Variants in TRPC4 observed in about 807,000 individuals in gnomAD.
TRPC4 encodes short transient receptor potential channel 4.
A neutral mutation model predicts 99.4 loss-of-function variants in TRPC4; 49 were observed. The observed-to-expected ratio is 0.49, with a 90% CI of 0.39 to 0.63. The LOEUF (loss-of-function observed/expected upper bound fraction) is 0.63, where lower values mean the gene tolerates loss of function less well. Among genes scored for constraint, TRPC4 ranks in the 20% least tolerant of loss-of-function variants. The pLI, the probability that TRPC4 is intolerant of heterozygous loss-of-function variation, is 0.00. For synonymous variants in TRPC4, 454 were observed against 425.9 expected (o/e 1.07, Z -0.81); for missense variants, 898 against 1,152.9 (o/e 0.78, Z 3.20).
intron 1 of TRPC4, among the ~76,000 whole-genome samples, chr13:37,819,796 C>A (rs1188396531): frequency 6.6e-6 from 1 of 150,884 alleles, no homozygotes; most frequent in Non-Finnish European, 1.5e-5. Context: ...TATAGTAAAC[C>A]TGCACATGTA....
intron 3 of TRPC4, among the ~76,000 whole-genome samples, chr13:37,732,197 T>G (rs1955258704): frequency 6.6e-6 from 1 of 152,152 alleles, no homozygotes; most frequent in South Asian, 2.1e-4. Context: ...CAATTAATTA[T>G]AACATAATGT....
Position 37,752,418 on chromosome 13 carries a change from G to A in TRPC4, c.379-5963C>T, listed in dbSNP as rs547694066. On this transcript the variant is annotated intron_variant, in intron 2 of 10. Transcript: ENST00000379705. ...CAGGTGACTGCCATTTCTGTAGGGC[G>A]AAGCCATTAAATCAGAGTTCCAAGC... Among the ~76,000 whole-genome samples the A allele has an allele frequency of 8.6e-5, 13 of 151,910 alleles. No homozygotes were observed. The South Asian group carries it at 2.1e-3, about 24-fold the overall frequency.
chr13:37,699,326 A>G (rs903462337), intron 3 of TRPC4, among the ~76,000 whole-genome samples: 1 of 152,182 alleles, frequency 6.6e-6, no homozygotes, highest in Non-Finnish European at 1.5e-5. Context: ...GTGCATATAC[A>G]TATACAATCA....
intron 1 of TRPC4, among the ~76,000 whole-genome samples, chr13:37,808,161 A>T (rs1442965287): frequency 6.6e-6 from 1 of 152,104 alleles, no homozygotes; most frequent in Non-Finnish European, 1.5e-5. Flanking sequence ...TATGCTTCCA[A>T]TTATTATCCT....
chr13:37,726,040 A>G lies in TRPC4; in HGVS notation c.897+19897T>C, dbSNP rs368426632. ...GTGAAACCCCTTCTCTACTAAAAAT[A>G]TAAAAATTCACCAGGCTTGGTGGTG... is the stretch of plus-strand genomic sequence containing the variant. On this transcript the variant is annotated intron_variant, in intron 3 of 10. Transcript: ENST00000379705. 9.2e-5 allele frequency among the ~76,000 whole-genome samples: 14 copies of G among 152,144 alleles called. No individual in the cohort carries two copies. The East Asian group carries it at 1.2e-3, about 13-fold the overall frequency.
In TRPC4 at chr13:37,635,628, A is replaced by G. The variant is rs1278341227; in HGVS notation, c.*1275T>C. ...TTGATTTGAAATAAATGCTAATTTTATGTGGTGAAGAAACTTCCCGTAGTG... is the reference window on the plus strand; with the variant it reads ...TTGATTTGAAATAAATGCTAATTTTGTGTGGTGAAGAAACTTCCCGTAGTG... On this transcript the variant is annotated 3_prime_UTR_variant, in exon 11 of 11. Coordinates refer to ENST00000379705, the MANE Select transcript of TRPC4 (RefSeq NM_016179.4). 6.6e-6 allele frequency among the ~76,000 whole-genome samples: 1 copy of G among 152,168 alleles called. No homozygotes were observed. The highest frequency in any genetic ancestry group is 1.5e-5 in the Non-Finnish European group (1 of 68,014).
In TRPC4 at chr13:37,650,312, T is replaced by C. The variant is rs539697819; in HGVS notation, c.2079+953A>G. ...TTCCAAAGCAATTTTACTGAGAAGA[T>C]CCAAGTGACTAATGAATATGAGTGT... On this transcript the variant is annotated intron_variant, in intron 8 of 10. Coordinates refer to ENST00000379705, the MANE Select transcript of TRPC4 (RefSeq NM_016179.4). Among the ~76,000 whole-genome samples the C allele has an allele frequency of 2.6e-5, 4 of 152,334 alleles. 1 individual carries two copies. The South Asian group carries it at 8.3e-4, about 32-fold the overall frequency.
chr13:37,639,744 C>CATATATATATATATAT lies in TRPC4; in HGVS notation c.2080-461_2080-446dup, dbSNP rs59528300. Among the ~76,000 whole-genome samples, 1,165 of 146,738 alleles carry CATATATATATATATAT rather than the reference C, an allele frequency of 7.9e-3. 14 individuals carry two copies. Among genetic ancestry groups the CATATATATATATATAT allele is most frequent in the African/African-American group, 0.028 (1,094 of 39,364 alleles). On this transcript the variant is annotated intron_variant, in intron 8 of 10. Transcript: ENST00000379705. ...CTCATTAGTCACTGAACTCTCCAAT[C>CATATATATATATATAT]ATATATATATATATATAATATCAAT...
At chr13:37,730,424 A>T (rs550877546) in intron 3 of TRPC4, among the ~76,000 whole-genome samples, 51 of 152,170 alleles carry the variant, frequency 3.4e-4, no homozygotes, top group African/African-American at 1.0e-3. Flanking sequence ...ATGAATTCCT[A>T]TGTTGATAAT....
intron 7 of TRPC4, among the ~76,000 whole-genome samples, chr13:37,651,720 G>C (rs1242127373): frequency 2.0e-5 from 3 of 152,120 alleles, no homozygotes; most frequent in Non-Finnish European, 4.4e-5. Flanking sequence ...ATGTTAAAAA[G>C]ACTGCAGTAA....
At chr13:37,861,420 T>C (rs1357742318) in intron 1 of TRPC4, among the ~76,000 whole-genome samples, 2 of 151,640 alleles carry the variant, frequency 1.3e-5, no homozygotes, top group Non-Finnish European at 3.0e-5. Flanking sequence ...ATGTAGTAAC[T>C]GATAAGAAAG....
At chr13:37,786,927 A>G (rs1566170805) in intron 1 of TRPC4, among the ~76,000 whole-genome samples, 3 of 152,050 alleles carry the variant, frequency 2.0e-5, no homozygotes, top group South Asian at 4.1e-4. Context: ...AAAAAGAAAC[A>G]AGAAGGTAGA....
chr13:37,721,509 G>T (rs968038421), intron 3 of TRPC4, among the ~76,000 whole-genome samples: 1 of 152,002 alleles, frequency 6.6e-6, no homozygotes, highest in Non-Finnish European at 1.5e-5. Context: ...ATTGCTCTTG[G>T]CCCTACTATG....
intron 3 of TRPC4, among the ~76,000 whole-genome samples, chr13:37,715,826 A>C (rs2139007499): frequency 6.6e-6 from 1 of 152,280 alleles, no homozygotes; most frequent in African/African-American, 2.4e-5. Context: ...GAATTGGCCT[A>C]TATTAAAAAT....
chr13:37,639,317 A>T lies in TRPC4; in HGVS notation c.2080-18T>A. On this transcript the variant is annotated intron_variant, in intron 8 of 10. Transcript: ENST00000379705. ...GCTCGCCTCTGAAAAGGAAAAGGAC[A>T]TTCCTTTCTGGTTATACTGTTATAT... 3 of 1,612,010 alleles carry T rather than the reference A, an allele frequency of 1.9e-6. No homozygotes were observed. The highest frequency in any genetic ancestry group is 2.5e-6 in the Non-Finnish European group (3 of 1,178,260).
intron 3 of TRPC4, among the ~76,000 whole-genome samples, chr13:37,742,525 T>C (rs1566135898): frequency 6.6e-6 from 1 of 152,056 alleles, no homozygotes; most frequent in Non-Finnish European, 1.5e-5. Context: ...CAATGCAATA[T>C]AGGGTGTGTA....
At chr13:37,643,470 G>A (rs1168023659) in intron 8 of TRPC4, among the ~76,000 whole-genome samples, 2 of 152,160 alleles carry the variant, frequency 1.3e-5, no homozygotes, top group Admixed American at 6.5e-5. Context: ...GAAAGAAGCC[G>A]TAACAGCCCT....
At chr13:37,863,022 A>G (rs1365644624) in intron 1 of TRPC4, among the ~76,000 whole-genome samples, 1 of 151,566 alleles carries the variant, frequency 6.6e-6, no homozygotes, top group African/African-American at 2.4e-5. Flanking sequence ...CACAGTATTC[A>G]CTACAGTAGC....
chr13:37,695,596 T>C (rs1472846958), intron 3 of TRPC4, among the ~76,000 whole-genome samples: 9 of 152,216 alleles, frequency 5.9e-5, no homozygotes, highest in Admixed American at 5.2e-4. Flanking sequence ...GCCATCCCAT[T>C]AAAATTCATA....
Sources: allele counts gnomAD v4.1 joint callset (sites outside exome capture counted in the v4.1 genomes callset), GRCh38; gene constraint gnomAD v4.1.1; transcripts MANE v1.5; gene names NCBI Gene and HGNC (gene_info 2026-07-23, HGNC 2026-07-21).